SH3BGRL2: variants seen among roughly 807,000 people sequenced by gnomAD.
SH3BGRL2 encodes SH3 domain-binding glutamic acid-rich-like protein 2.
A neutral mutation model predicts 14.8 loss-of-function variants in SH3BGRL2; 21 were observed. That is an observed-to-expected ratio of 1.42 (90% CI 1.01 to 2.05). The LOEUF is 2.05. SH3BGRL2 is among the 30% of genes most tolerant of loss of function. SH3BGRL2 has a pLI of 0.00. For synonymous variants in SH3BGRL2, 50 were observed against 47.8 expected (o/e 1.05, Z -0.19); for missense variants, 147 against 130.8 (o/e 1.12, Z -0.61).
chr6:79,545,361 G>C, the SH3BGRL2 span, among the ~76,000 whole-genome samples: 2 of 152,188 alleles, frequency 1.3e-5, no homozygotes, highest in Non-Finnish European at 2.9e-5. Context: ...CTTTAATCCA[G>C]TCAAATGATG....
At chr6:79,550,021 A>G in the SH3BGRL2 span, among the ~76,000 whole-genome samples, 1 of 152,166 alleles carries the variant, frequency 6.6e-6, no homozygotes, top group Non-Finnish European at 1.5e-5. Flanking sequence ...TAAAATCTTA[A>G]TAGTGATTTT....
At chr6:79,693,083 A>G (rs1253428082) in intron 2 of SH3BGRL2, among the ~76,000 whole-genome samples, 1 of 151,356 alleles carries the variant, frequency 6.6e-6, no homozygotes, top group Non-Finnish European at 1.5e-5. Context: ...ATCCCTTGTA[A>G]GTTGGATTCC....
chr6:79,625,237 CATATATAT>C, the SH3BGRL2 span, among the ~76,000 whole-genome samples: 1 of 150,310 alleles, frequency 6.7e-6, no homozygotes, highest in African/African-American at 2.5e-5. Context: ...TATATATACA[CATATATAT>C]ATACACACAC....
At chr6:79,616,637 C>A in the SH3BGRL2 span, among the ~76,000 whole-genome samples, 3 of 152,182 alleles carry the variant, frequency 2.0e-5, no homozygotes, top group East Asian at 1.9e-4. Context: ...GACTTCAGAG[C>A]TCATTCTCTT....
upstream of SH3BGRL2, among the ~76,000 whole-genome samples, chr6:79,628,555 C>G (rs965071207): frequency 2.0e-5 from 3 of 152,138 alleles, no homozygotes; most frequent in African/African-American, 7.2e-5. Context: ...ATCTAATACT[C>G]TCTGTGGTCT....
the SH3BGRL2 span, among the ~76,000 whole-genome samples, chr6:79,622,633 A>G: frequency 6.6e-5 from 10 of 152,132 alleles, no homozygotes; most frequent in Admixed American, 6.5e-4. Context: ...ATTAATCTTC[A>G]TATTTCCAGC....
At chr6:79,581,312 CA>C in the SH3BGRL2 span, among the ~76,000 whole-genome samples, 1 of 152,094 alleles carries the variant, frequency 6.6e-6, no homozygotes, top group Admixed American at 6.6e-5. Flanking sequence ...ATCCTGATAC[CA>C]AAGCCCAGCA....
At chr6:79,615,832 CTT>C in the SH3BGRL2 span, among the ~76,000 whole-genome samples, 6 of 109,200 alleles carry the variant, frequency 5.5e-5, no homozygotes, top group South Asian at 9.4e-4. Flanking sequence ...TTTTTTCTTT[CTT>C]TTTTTTTTTT....
intron 2 of SH3BGRL2, among the ~76,000 whole-genome samples, chr6:79,691,091 G>T (rs1013777749): frequency 6.6e-6 from 1 of 152,046 alleles, no homozygotes; most frequent in Non-Finnish European, 1.5e-5. Context: ...GGAGGTAGAG[G>T]CTGCATGAGC....
At chr6:79,577,142 C>T in the SH3BGRL2 span, among the ~76,000 whole-genome samples, 1 of 152,144 alleles carries the variant, frequency 6.6e-6, no homozygotes, top group African/African-American at 2.4e-5. Flanking sequence ...CAAAACAAAA[C>T]TATCTTGTCC....
At chr6:79,559,297 G>A in the SH3BGRL2 span, among the ~76,000 whole-genome samples, 2,406 of 152,092 alleles carry the variant, frequency 0.016, 58 homozygotes, top group African/African-American at 0.055. Context: ...GACCCCATCC[G>A]TCTCTGCAAA....
chr6:79,623,118 C>T, the SH3BGRL2 span, among the ~76,000 whole-genome samples: 31 of 152,050 alleles, frequency 2.0e-4, no homozygotes, highest in South Asian at 6.4e-3. Context: ...CCAGCCTGGC[C>T]AACATAGTGA....
At chr6:79,670,779 T>G (rs904612200) in intron 1 of SH3BGRL2, among the ~76,000 whole-genome samples, 3 of 152,138 alleles carry the variant, frequency 2.0e-5, no homozygotes, top group African/African-American at 2.4e-5. Flanking sequence ...CTTGAGCATA[T>G]ATTATTTTCA....
chr6:79,673,219 C>G (rs1316946521), intron 1 of SH3BGRL2, among the ~76,000 whole-genome samples: 4 of 151,972 alleles, frequency 2.6e-5, no homozygotes, highest in Admixed American at 2.6e-4. Context: ...ATCTCATAGT[C>G]CATTCTTTCC....
chr6:79,631,554 T>A (rs1768824680), intron 1 of SH3BGRL2, 48 bp downstream of exon 1: 1 of 1,342,552 alleles, frequency 7.4e-7, no homozygotes, highest in African/African-American at 1.5e-5. Context: ...GGGGCGCGGG[T>A]CCTGCGGGAG....
the SH3BGRL2 span, among the ~76,000 whole-genome samples, chr6:79,554,713 G>A: frequency 6.6e-6 from 1 of 152,120 alleles, no homozygotes. Flanking sequence ...TCAGAGACCT[G>A]GGTCTGTCAC....
chr6:79,673,757 C>A lies in SH3BGRL2; in HGVS notation c.189C>A (p.Asn63Lys). The change falls in exon 2 of 4, where the codon AAC (asparagine) becomes AAA (lysine). Residue 63 changes from asparagine (N) to lysine (K), a missense_variant. Transcript: ENST00000369838. ...VPPEKKPTQG[N>K]PLPPQIFNGD... is the part of the protein sequence containing the mutation. Reference sequence around the variant, plus strand: ...CGGAAAAGAAACCCACTCAGGGCAACCCCCTGCCACCTCAGATATTTAATG... The same window carrying A: ...CGGAAAAGAAACCCACTCAGGGCAAACCCCTGCCACCTCAGATATTTAATG... 6.2e-7 allele frequency: 1 copy of A among 1,613,894 alleles called. No homozygotes were observed. The highest frequency in any genetic ancestry group is 1.1e-5 in the South Asian group (1 of 91,054).
At chr6:79,584,539 C>A in the SH3BGRL2 span, among the ~76,000 whole-genome samples, 3 of 152,112 alleles carry the variant, frequency 2.0e-5, no homozygotes, top group African/African-American at 4.8e-5. Flanking sequence ...ATGATGCTCA[C>A]CAGCACCCCC....
the SH3BGRL2 span, among the ~76,000 whole-genome samples, chr6:79,541,820 A>G: frequency 6.6e-6 from 1 of 152,202 alleles, no homozygotes; most frequent in Non-Finnish European, 1.5e-5. Flanking sequence ...AAGTGATGAT[A>G]ATAATTTTAT....
Sources: allele counts gnomAD v4.1 joint callset (sites outside exome capture counted in the v4.1 genomes callset), GRCh38; gene constraint gnomAD v4.1.1; transcripts MANE v1.5; gene names NCBI Gene and HGNC (gene_info 2026-07-23, HGNC 2026-07-21).